The following NARS2 variants were observed in gnomAD, a reference collection of about 807,000 sequenced individuals.
The protein encoded by NARS2 is asparaginyl-tRNA synthetase.
Under a neutral mutation model 62.9 loss-of-function variants are expected in NARS2, and 60 were observed. That is an observed-to-expected ratio of 0.95 (90% CI 0.77 to 1.18). The LOEUF is 1.18. Among genes scored for constraint, NARS2 ranks in the 50% most tolerant of loss-of-function variants. NARS2 has a pLI of 0.00. For synonymous variants in NARS2, 196 were observed against 200.0 expected (o/e 0.98, Z 0.17); for missense variants, 619 against 576.4 (o/e 1.07, Z -0.76).
intron 6 of NARS2, among the ~76,000 whole-genome samples, chr11:78,521,376 T>C (rs1044792478): frequency 2.0e-5 from 3 of 152,088 alleles, no homozygotes; most frequent in Admixed American, 6.5e-5. Context: ...TCCCACTATG[T>C]TGCCTAGGAT....
intron 1 of NARS2, 170 bp from the exon 2 acceptor site, chr11:78,571,614 A>G (rs1856926106): frequency 5.5e-6 from 3 of 548,438 alleles, no homozygotes; most frequent in Non-Finnish European, 6.6e-6. Context: ...TCCAATCACA[A>G]TAGGATACAC....
At chr11:78,447,060 C>G (rs1353524233) in intron 11 of NARS2, among the ~76,000 whole-genome samples, 1 of 148,744 alleles carries the variant, frequency 6.7e-6, no homozygotes, top group East Asian at 2.0e-4. Flanking sequence ...AAAAAACAAA[C>G]AAACATACAA....
intron 11 of NARS2, 28 bp downstream of exon 11, chr11:78,465,848 C>A (rs1224791795): frequency 6.2e-7 from 1 of 1,613,024 alleles, no homozygotes. Flanking sequence ...AGAGGACTAA[C>A]CCCAATTTAT....
At chr11:78,518,426 G>A (rs1860991499) in intron 6 of NARS2, among the ~76,000 whole-genome samples, 1 of 152,160 alleles carries the variant, frequency 6.6e-6, no homozygotes, top group Admixed American at 6.5e-5. Context: ...TGAGGACATG[G>A]AGCTGAGACA....
intron 6 of NARS2, among the ~76,000 whole-genome samples, chr11:78,496,873 G>A (rs1445052300): frequency 3.3e-5 from 5 of 152,112 alleles, no homozygotes; most frequent in East Asian, 1.9e-4. Context: ...GTCTCTAGCT[G>A]CATGTGGAAT....
At chr11:78,518,427 A>T (rs1311954251) in intron 6 of NARS2, among the ~76,000 whole-genome samples, 2 of 152,224 alleles carry the variant, frequency 1.3e-5, no homozygotes, top group Non-Finnish European at 2.9e-5. Flanking sequence ...GAGGACATGG[A>T]GCTGAGACAG....
intron 6 of NARS2, among the ~76,000 whole-genome samples, chr11:78,509,030 A>G (rs1027754358): frequency 1.1e-4 from 16 of 151,378 alleles, no homozygotes; most frequent in Non-Finnish European, 2.2e-4. Context: ...CAGGAGAATC[A>G]CTTTAACCCA....
chr11:78,539,747 G>A (rs1054519074), intron 5 of NARS2, among the ~76,000 whole-genome samples: 1 of 152,182 alleles, frequency 6.6e-6, no homozygotes, highest in Admixed American at 6.5e-5. Context: ...GGAGTCTGTA[G>A]AGCATTTAGT....
rs578244853 is a variant in NARS2, at chr11:78,574,253, T to C, written c.141+95A>G. ...CTTTCTAACTTTTCCCTGCTGGCGGTTGTGTCTGACCCGACTGTAAAAGAA... is the reference window on the plus strand; with the variant it reads ...CTTTCTAACTTTTCCCTGCTGGCGGCTGTGTCTGACCCGACTGTAAAAGAA... On this transcript the variant is annotated intron_variant, in intron 1 of 13. Coordinates refer to ENST00000281038, the MANE Select transcript of NARS2 (RefSeq NM_024678.6). 4.9e-4 allele frequency: 734 copies of C among 1,513,094 alleles called. 1 individual carries two copies. Among genetic ancestry groups the C allele is most frequent in the Middle Eastern group, 2.4e-3 (14 of 5,810 alleles). 93.7% of individuals were successfully genotyped at this position (1,513,094 alleles called of 1,614,324 possible).
At position 78,436,630 on chromosome 11, in the gene NARS2, C is replaced by G; in HGVS notation, c.*40G>C. On this transcript the variant is annotated 3_prime_UTR_variant, in exon 14 of 14. Transcript: ENST00000281038. ...CTGTATGCACAATCATGTGCAGTGT[C>G]TCTGCCATGGGGGGTGCTTTTCCTT... 1 of 1,609,692 alleles carries G rather than the reference C, an allele frequency of 6.2e-7. No homozygotes were observed. Among genetic ancestry groups the G allele is most frequent in the Non-Finnish European group, 8.5e-7 (1 of 1,177,096 alleles).
At chr11:78,459,872 T>TA (rs1250250999) in intron 11 of NARS2, among the ~76,000 whole-genome samples, 1 of 152,248 alleles carries the variant, frequency 6.6e-6, no homozygotes, top group Non-Finnish European at 1.5e-5. Flanking sequence ...GATTAAGAGT[T>TA]AGTATCTCTG....
chr11:78,503,485 G>A (rs1184608023), intron 6 of NARS2, among the ~76,000 whole-genome samples: 3 of 152,126 alleles, frequency 2.0e-5, no homozygotes, highest in Non-Finnish European at 2.9e-5. Flanking sequence ...TGATCCACCC[G>A]CCTCAGCCTC....
intron 12 of NARS2, among the ~76,000 whole-genome samples, chr11:78,443,156 T>C (rs1240437361): frequency 6.6e-6 from 1 of 151,886 alleles, no homozygotes; most frequent in African/African-American, 2.4e-5. Flanking sequence ...AAACTCTGTC[T>C]CTACTAAAAA....
chr11:78,531,320 A>G (rs867059125), intron 5 of NARS2, among the ~76,000 whole-genome samples: 3 of 152,302 alleles, frequency 2.0e-5, no homozygotes, highest in Admixed American at 6.5e-5. Context: ...TAGACCATAT[A>G]ATAGGCCATA....
At position 78,566,272 on chromosome 11, in the gene NARS2, C is replaced by A; in HGVS notation, c.373G>T (p.Asp125Tyr). Residue 125 changes from aspartate (D) to tyrosine (Y), a missense_variant and splice_region_variant, in exon 4 of 14, where the codon GAT becomes TAT. Transcript: ENST00000281038. ...CTCTCTTTATATTTGATGGGGAAATCCTGCCAATAAATGAAAAGAACAAAT... is the reference window on the plus strand; with the variant it reads ...CTCTCTTTATATTTGATGGGGAAATACTGCCAATAAATGAAAAGAACAAAT... ...IKVIGNCDAK[D>Y]FPIKYKERHP... 3.2e-6 allele frequency: 5 copies of A among 1,572,602 alleles called. No individual in the cohort carries two copies. The highest frequency in any genetic ancestry group is 4.3e-6 in the Non-Finnish European group (5 of 1,158,608).
At chr11:78,473,353 T>C (rs1367741336) in intron 9 of NARS2, among the ~76,000 whole-genome samples, 1 of 152,250 alleles carries the variant, frequency 6.6e-6, no homozygotes, top group Non-Finnish European at 1.5e-5. Context: ...TCTATTGTCA[T>C]TACTGTTCTT....
At chr11:78,467,661 T>C (rs545969164) in intron 10 of NARS2, among the ~76,000 whole-genome samples, 1 of 152,076 alleles carries the variant, frequency 6.6e-6, no homozygotes, top group Admixed American at 6.6e-5. Context: ...GGTCTGGGAA[T>C]GGGGCAAATG....
At chr11:78,566,586 T>C (rs946845270) in intron 3 of NARS2, among the ~76,000 whole-genome samples, 1 of 152,180 alleles carries the variant, frequency 6.6e-6, no homozygotes, top group African/African-American at 2.4e-5. Flanking sequence ...TACAAATAGG[T>C]TAGGATTAAT....
At chr11:78,537,163 C>G (rs113126194) in intron 5 of NARS2, among the ~76,000 whole-genome samples, 3,110 of 152,232 alleles carry the variant, frequency 0.02, 111 homozygotes, top group African/African-American at 0.071. Context: ...CAGAAAGTAT[C>G]TCCATCGTTA....
Sources: allele counts gnomAD v4.1 joint callset (sites outside exome capture counted in the v4.1 genomes callset), GRCh38; gene constraint gnomAD v4.1.1; transcripts MANE v1.5; gene names NCBI Gene and HGNC (gene_info 2026-07-23, HGNC 2026-07-21).